SCAI: variants seen among roughly 807,000 people sequenced by gnomAD.
The protein encoded by SCAI is protein SCAI.
In SCAI, 24 loss-of-function variants were observed where a neutral mutation model predicts 92.2. The ratio of observed to expected loss-of-function variants is 0.26; its 90% CI spans 0.19 to 0.37. SCAI has a LOEUF of 0.37. Among genes scored for constraint, SCAI ranks in the 10% least tolerant of loss-of-function variants. SCAI has a pLI of 1.00. For synonymous variants in SCAI, 261 were observed against 258.6 expected (o/e 1.01, Z -0.09); for missense variants, 450 against 736.2 (o/e 0.61, Z 4.50).
intron 3 of SCAI, among the ~76,000 whole-genome samples, chr9:125,039,010 T>G (rs1833258508): frequency 6.6e-6 from 1 of 152,214 alleles, no homozygotes; most frequent in Non-Finnish European, 1.5e-5. Flanking sequence ...TGATCTTTAC[T>G]CATTGGTTTC....
At chr9:125,037,893 G>A (rs1393124104) in intron 3 of SCAI, among the ~76,000 whole-genome samples, 2 of 152,014 alleles carry the variant, frequency 1.3e-5, no homozygotes, top group East Asian at 1.9e-4. Context: ...TCCAGCCTGG[G>A]CGACGAGAGT....
chr9:124,994,205 T>C (rs1832192549), intron 14 of SCAI, among the ~76,000 whole-genome samples: 2 of 152,122 alleles, frequency 1.3e-5, no homozygotes, highest in African/African-American at 4.8e-5. Context: ...TGGCTAATTT[T>C]ATATTTTTAG....
At chr9:125,066,637 A>C (rs11791106) in intron 2 of SCAI, among the ~76,000 whole-genome samples, 8 of 151,826 alleles carry the variant, frequency 5.3e-5, no homozygotes, top group Non-Finnish European at 7.4e-5. Context: ...TTGTATTTTT[A>C]GTAGATACGG....
chr9:125,118,196 T>C (rs1325900306), intron 2 of SCAI, among the ~76,000 whole-genome samples: 1 of 152,130 alleles, frequency 6.6e-6, no homozygotes, highest in Non-Finnish European at 1.5e-5. Context: ...AAAAGGCTTG[T>C]TAAAAAATAA....
chr9:125,130,761 G>C (rs532501898), intron 2 of SCAI, among the ~76,000 whole-genome samples: 1 of 151,552 alleles, frequency 6.6e-6, no homozygotes, highest in Non-Finnish European at 1.5e-5. Flanking sequence ...GGGATTACAG[G>C]TGTGACCCAC....
rs551057239 is a variant in SCAI, at chr9:124,942,825, T to C, written c.*9982A>G. 6.6e-6 allele frequency: 1 copy of C among 152,356 alleles called. No homozygotes were observed. The highest frequency in any genetic ancestry group is 2.1e-4 in the South Asian group (1 of 4,824). 9.4% of individuals were successfully genotyped at this position (152,356 alleles called of 1,614,324 possible). A position where few individuals can be genotyped will look rare whatever the true frequency, so the allele number is the denominator to read the frequency against. On this transcript the variant is annotated 3_prime_UTR_variant, in exon 18 of 18. Transcript: ENST00000336505. The stretch of plus-strand genomic sequence containing the variant: ...AAACATCAAAACAACGTTTCAGTTT[T>C]CATCCTCTAGTACTGAAGTGCCCTC...
At chr9:125,016,678 G>C (rs1318642699) in intron 9 of SCAI, among the ~76,000 whole-genome samples, 2 of 152,104 alleles carry the variant, frequency 1.3e-5, no homozygotes, top group East Asian at 3.8e-4. Context: ...GCAGGGAAAA[G>C]ATGGTCTTTT....
intron 7 of SCAI, among the ~76,000 whole-genome samples, chr9:125,019,502 CAAT>C (rs960694787): frequency 2.1e-4 from 32 of 151,458 alleles, no homozygotes; most frequent in South Asian, 1.9e-3. Flanking sequence ...AAAATTTTAA[CAAT>C]AAAAAAAAAT....
intron 14 of SCAI, among the ~76,000 whole-genome samples, chr9:124,993,335 T>A (rs1280761851): frequency 6.6e-6 from 1 of 152,212 alleles, no homozygotes; most frequent in Non-Finnish European, 1.5e-5. Flanking sequence ...ACGCCTGTAA[T>A]CCCAACATTT....
At chr9:125,053,375 C>T (rs978302093) in intron 3 of SCAI, among the ~76,000 whole-genome samples, 1 of 152,104 alleles carries the variant, frequency 6.6e-6, no homozygotes, top group African/African-American at 2.4e-5. Flanking sequence ...AACTTGTATA[C>T]AAATGTTCAC....
intron 2 of SCAI, among the ~76,000 whole-genome samples, chr9:125,073,266 G>A (rs1389318477): frequency 5.3e-5 from 8 of 149,846 alleles, no homozygotes; most frequent in Admixed American, 2.0e-4. Flanking sequence ...TACCACGCCC[G>A]GCTAATTTTT....
At chr9:125,080,152 C>T (rs148475186) in intron 2 of SCAI, among the ~76,000 whole-genome samples, 23 of 152,188 alleles carry the variant, frequency 1.5e-4, no homozygotes, top group South Asian at 4.1e-4. Context: ...CAAGCTCCCA[C>T]GCTCCAGAAA....
chr9:125,128,749 T>C (rs1355102962), intron 2 of SCAI, among the ~76,000 whole-genome samples: 3 of 146,606 alleles, frequency 2.0e-5, no homozygotes, highest in African/African-American at 7.6e-5. Flanking sequence ...CGAAACTCCG[T>C]CTCAAAAAAA....
chr9:124,973,615 G>A (rs1315731203), intron 15 of SCAI, among the ~76,000 whole-genome samples: 7 of 152,086 alleles, frequency 4.6e-5, no homozygotes, highest in African/African-American at 1.7e-4. Context: ...GGCAGATCAC[G>A]AGGTCAGGAG....
chr9:125,025,810 A>T (rs934224446), intron 6 of SCAI, among the ~76,000 whole-genome samples: 2 of 152,242 alleles, frequency 1.3e-5, no homozygotes, highest in African/African-American at 4.8e-5. Context: ...TTTCCCCAAA[A>T]TGTCACTGTT....
chr9:125,100,521 T>C (rs1016610223), intron 2 of SCAI, among the ~76,000 whole-genome samples: 2 of 152,222 alleles, frequency 1.3e-5, no homozygotes, highest in Non-Finnish European at 2.9e-5. Context: ...CACTATTCAT[T>C]CTTTCAACAA....
At chr9:125,011,134 C>T (rs1365437975) in intron 9 of SCAI, among the ~76,000 whole-genome samples, 18 of 152,230 alleles carry the variant, frequency 1.2e-4, no homozygotes, top group South Asian at 2.1e-4. Flanking sequence ...GCCTCTCCTC[C>T]GCCAAAGGAA....
In SCAI at chr9:124,952,969, G is replaced by A; in HGVS notation, c.1675-16C>T. On this transcript the variant is annotated splice_polypyrimidine_tract_variant and intron_variant, in intron 17 of 17. Coordinates refer to ENST00000336505, the MANE Select transcript of SCAI (RefSeq NM_001144877.3). ...TTCGTGTTTCCTGGTAGGCAAAGAAGAGAAAAGTCAAGTTTTGTAGTCTAA... is the reference window on the plus strand; with the variant it reads ...TTCGTGTTTCCTGGTAGGCAAAGAAAAGAAAAGTCAAGTTTTGTAGTCTAA... The A allele has an allele frequency of 6.2e-7, 1 of 1,612,128 alleles. No homozygotes were observed. Among genetic ancestry groups the A allele is most frequent in the Non-Finnish European group, 8.5e-7 (1 of 1,179,162 alleles).
intron 2 of SCAI, among the ~76,000 whole-genome samples, chr9:125,093,505 T>C (rs1234635888): frequency 6.6e-6 from 1 of 151,782 alleles, no homozygotes; most frequent in Non-Finnish European, 1.5e-5. Flanking sequence ...CTCCACTCAT[T>C]CCATAGGTGA....
Sources: allele counts gnomAD v4.1 joint callset (sites outside exome capture counted in the v4.1 genomes callset), GRCh38; gene constraint gnomAD v4.1.1; transcripts MANE v1.5; gene names NCBI Gene and HGNC (gene_info 2026-07-23, HGNC 2026-07-21).